The following MCIDAS variants were observed in gnomAD, a reference collection of about 807,000 sequenced individuals.
MCIDAS encodes multicilin.
A neutral mutation model predicts 35.4 loss-of-function variants in MCIDAS; 23 were observed. The observed-to-expected ratio is 0.65, with a 90% confidence interval of 0.47 to 0.92. MCIDAS has a LOEUF of 0.92. MCIDAS is among the 40% of genes least tolerant of loss of function. MCIDAS has a pLI of 0.00. For missense variants in MCIDAS, 480 were observed against 531.8 expected (o/e 0.90, Z 0.96); for synonymous variants, 228 against 235.2 (o/e 0.97, Z 0.28).
chr5:55,226,635 C>T lies in MCIDAS; in HGVS notation c.250G>A (p.Asp84Asn), dbSNP rs186972632. 6.5e-7 allele frequency: 1 copy of T among 1,532,612 alleles called. No individual in the cohort carries two copies. The highest frequency in any genetic ancestry group is 2.5e-5 in the East Asian group (1 of 40,532). 94.9% of individuals were successfully genotyped at this position (1,532,612 alleles called of 1,614,324 possible). The part of the protein sequence containing the change: ...LTTIDLQDLA[D>N]CSSLLGSDAP... The stretch of plus-strand genomic sequence containing the variant: ...TCGGACCCGAGTAGCGAAGAGCAGT[C>T]AGCGAGGTCCTGCAGGTCTATGGTG... Residue 84 changes from aspartate (D) to asparagine (N), a missense_variant, in exon 3 of 7, where the codon GAC (aspartate) becomes AAC (asparagine). Coordinates refer to ENST00000513312, the MANE Select transcript of MCIDAS (RefSeq NM_001190787.3).
chr5:55,220,361 A>G lies in MCIDAS; in HGVS notation c.*5T>C, dbSNP rs1580402107. The G allele has an allele frequency of 6.5e-7, 1 of 1,530,352 alleles. No individual in the cohort carries two copies. The highest frequency in any genetic ancestry group is 2.5e-5 in the East Asian group (1 of 40,812). The allele number at this position is 1,530,352 out of a possible 1,614,324, so 94.8% of individuals were successfully genotyped here. A position where few individuals can be genotyped will look rare whatever the true frequency, so the allele number is the denominator to read the frequency against. On this transcript the variant is annotated 3_prime_UTR_variant, in exon 7 of 7. Transcript: ENST00000513312. ...GGGCAGTGTTTTGGGGGACCACATC[A>G]CAGCTCAACTGGGGACCCAGCGGAA...
Position 55,223,108 on chromosome 5 carries a change from T to A in MCIDAS, c.310-85A>T. The A allele has an allele frequency of 2.7e-6, 3 of 1,112,616 alleles. No homozygotes were observed. Among genetic ancestry groups the A allele is most frequent in the Non-Finnish European group, 3.9e-6 (3 of 763,446 alleles). The allele number at this position is 1,112,616 out of a possible 1,614,324, so 68.9% of individuals were successfully genotyped here. Reference sequence around the variant, plus strand: ...AATATTGGCGTCCCTGTTAAAAATCTGGCAGGCACTATGCAATATATGCAC... The same window carrying A: ...AATATTGGCGTCCCTGTTAAAAATCAGGCAGGCACTATGCAATATATGCAC... On this transcript the variant is annotated intron_variant, in intron 3 of 6. Transcript: ENST00000513312. The surrounding 1 kb of genome is among the most constrained non-coding windows in gnomAD (Gnocchi z 4.4).
At position 55,223,992 on chromosome 5, in the gene MCIDAS, G is replaced by A. The variant is rs1745411546; in HGVS notation, c.310-969C>T. 6.6e-6 allele frequency among the ~76,000 whole-genome samples: 1 copy of A among 152,138 alleles called. No homozygotes were observed. The highest frequency in any genetic ancestry group is 1.5e-5 in the Non-Finnish European group (1 of 68,028). ...TTCCCTTAATTCATGGACATTTAGAGTTGATAAAAACGCTTTTACACAGTC... is the reference window on the plus strand; with the variant it reads ...TTCCCTTAATTCATGGACATTTAGAATTGATAAAAACGCTTTTACACAGTC... On this transcript the variant is annotated intron_variant, in intron 3 of 6. Transcript: ENST00000513312. This position sits in a 1 kb window ranked among gnomAD's most constrained non-coding sequence, Gnocchi z 4.4.
intron 5 of MCIDAS, 49 bp from the exon 6 acceptor site, chr5:55,221,175 C>T (rs1257153977): frequency 2.2e-6 from 3 of 1,354,334 alleles, no homozygotes; most frequent in South Asian, 1.3e-5. Flanking sequence ...TGCTGGGTCT[C>T]GTCTGCATAT....
chr5:55,222,365 G>A lies in MCIDAS; in HGVS notation c.417C>T (p.Ser139=). The A allele has an allele frequency of 1.3e-6, 2 of 1,527,958 alleles. No homozygotes were observed. The highest frequency in any genetic ancestry group is 1.8e-6 in the Non-Finnish European group (2 of 1,141,556). The allele number at this position is 1,527,958 out of a possible 1,614,324, so 94.7% of individuals were successfully genotyped here. Residue 139 remains serine (S), a synonymous_variant, in exon 5 of 7, where the codon AGC becomes AGT. Coordinates refer to ENST00000513312, the MANE Select transcript of MCIDAS (RefSeq NM_001190787.3). ...SSSMMSPTLA[S]GDFPFSPCDI... is the part of the protein sequence containing the mutation. ...CGCAAGGAGAGAAGGGGAAGTCTCCGCTGGCCAGGGTAGGCGACATCATAG... is the reference window on the plus strand; with the variant it reads ...CGCAAGGAGAGAAGGGGAAGTCTCCACTGGCCAGGGTAGGCGACATCATAG...
intron 4 of MCIDAS, 148 bp from the exon 5 acceptor site, chr5:55,222,547 C>T (rs574276718): frequency 3.0e-6 from 2 of 661,350 alleles, no homozygotes; most frequent in Non-Finnish European, 2.5e-6. Flanking sequence ...GATTACGAGG[C>T]CCTTCCTGAT....
chr5:55,222,123 T>A lies in MCIDAS; in HGVS notation c.606+53A>T, dbSNP rs899766116. ...TCCCTTGCAAACCCCACTTCCACCC[T>A]CTATATCCTGTCCCTGCCCCAGGAT... On this transcript the variant is annotated intron_variant, in intron 5 of 6. Coordinates refer to ENST00000513312, the MANE Select transcript of MCIDAS (RefSeq NM_001190787.3). The A allele has an allele frequency of 1.2e-4, 181 of 1,508,912 alleles. 1 individual carries two copies. The South Asian group carries it at 2.1e-3, about 17-fold the overall frequency. 93.5% of individuals were successfully genotyped at this position (1,508,912 alleles called of 1,614,324 possible). A position where few individuals can be genotyped will look rare whatever the true frequency, so the allele number is the denominator to read the frequency against.
Position 55,226,866 on chromosome 5 carries a change from A to T in MCIDAS, c.186T>A (p.Asp62Glu), listed in dbSNP as rs568641089. 17 of 1,387,462 alleles carry T rather than the reference A, an allele frequency of 1.2e-5. No individual in the cohort carries two copies. In the African/African-American group the frequency reaches 2.1e-4, roughly 17 times the overall value. 85.9% of individuals were successfully genotyped at this position (1,387,462 alleles called of 1,614,324 possible). The change falls in exon 2 of 7, where the codon GAT becomes GAA. Residue 62 changes from aspartate to glutamate, a missense_variant. Asp to Glu is a conservative substitution (Grantham distance 45). Transcript: ENST00000513312. ...TGGSPVSVYE[D>E]PPDAEPTALP... ...GCGCTGTGGGCTCGGCGTCCGGGGG[A>T]TCCTCGTACACCGACACCGGGCTCC...
Position 55,220,131 on chromosome 5 carries a change from T to A in MCIDAS, c.*235A>T, listed in dbSNP as rs759615427. The A allele has an allele frequency of 4.4e-6, 2 of 453,226 alleles. No homozygotes were observed. The highest frequency in any genetic ancestry group is 7.7e-6 in the Non-Finnish European group (2 of 259,322). 28.1% of individuals were successfully genotyped at this position (453,226 alleles called of 1,614,324 possible). ...TCAAAGCTGCTAAAAATAAATACTT[T>A]TAAAATTGGCTGTGACATATGTGAC... On this transcript the variant is annotated 3_prime_UTR_variant, in exon 7 of 7. Transcript: ENST00000513312.
In MCIDAS at chr5:55,226,620, G is replaced by A. The variant is rs940142079; in HGVS notation, c.265C>T (p.Leu89Phe). 23 of 1,533,152 alleles carry A rather than the reference G, an allele frequency of 1.5e-5. No individual in the cohort carries two copies. The highest frequency in any genetic ancestry group is 2.0e-5 in the Non-Finnish European group (23 of 1,145,672). The allele number at this position is 1,533,152 out of a possible 1,614,324, so 95.0% of individuals were successfully genotyped here. The change falls in exon 3 of 7, where the codon CTC becomes TTC. Residue 89 changes from leucine to phenylalanine, a missense_variant. Transcript: ENST00000513312. ...CCACCAGGCGGCGCGTCGGACCCGAGTAGCGAAGAGCAGTCAGCGAGGTCC... is the reference window on the plus strand; with the variant it reads ...CCACCAGGCGGCGCGTCGGACCCGAATAGCGAAGAGCAGTCAGCGAGGTCC... ...LQDLADCSSL[L>F]GSDAPPGGDL... is the part of the protein sequence containing the mutation.
chr5:55,222,902 AGT>A, intron 4 of MCIDAS, 47 bp downstream of exon 4: 1 of 1,487,958 alleles, frequency 6.7e-7, no homozygotes, highest in Non-Finnish European at 9.1e-7. Flanking sequence ...CTGATTTGGG[AGT>A]GGGGGACACC....
rs946482363 is a variant in MCIDAS at position 55,223,454 on chromosome 5, G to T, written c.310-431C>A. Among the ~76,000 whole-genome samples, 2 of 152,184 alleles carry T rather than the reference G, an allele frequency of 1.3e-5. No homozygotes were observed. The highest frequency in any genetic ancestry group is 2.9e-5 in the Non-Finnish European group (2 of 68,026). ...TCCACCGGCGGTGCGGCGGCCCTGC[G>T]CCGGCTCCGGGCAGCCGAGTAGCCC... On this transcript the variant is annotated intron_variant, in intron 3 of 6. Transcript: ENST00000513312. The surrounding 1 kb of genome is among the most constrained non-coding windows in gnomAD (Gnocchi z 4.4).
rs115971569 is a variant in MCIDAS at position 55,226,608 on chromosome 5, C to G, written c.277G>C (p.Ala93Pro). 47 of 1,532,396 alleles carry G rather than the reference C, an allele frequency of 3.1e-5. No individual in the cohort carries two copies. The highest frequency in any genetic ancestry group is 4.0e-5 in the Non-Finnish European group (46 of 1,145,284). The allele number at this position is 1,532,396 out of a possible 1,614,324, so 94.9% of individuals were successfully genotyped here. A position where few individuals can be genotyped will look rare whatever the true frequency, so the allele number is the denominator to read the frequency against. ...GCGGCCAGGTCACCACCAGGCGGCG[C>G]GTCGGACCCGAGTAGCGAAGAGCAG... is the stretch of plus-strand genomic sequence containing the variant. ...ADCSSLLGSD[A>P]PPGGDLAASQ... The change falls in exon 3 of 7, where the codon GCG becomes CCG. Residue 93 changes from alanine (A) to proline (P), a missense_variant. By Grantham distance (27) the Ala-to-Pro change is conservative. Coordinates refer to ENST00000513312, the MANE Select transcript of MCIDAS (RefSeq NM_001190787.3).
rs1745392750 is a variant in MCIDAS at position 55,223,122 on chromosome 5, C to T, written c.310-99G>A. ...TGTTAAAAATCTGGCAGGCACTATGCAATATATGCACGTAACACAACTGCA... is the reference window on the plus strand; with the variant it reads ...TGTTAAAAATCTGGCAGGCACTATGTAATATATGCACGTAACACAACTGCA... On this transcript the variant is annotated intron_variant, in intron 3 of 6. Transcript: ENST00000513312. The surrounding 1 kb of genome is among the most constrained non-coding windows in gnomAD (Gnocchi z 4.4). 2.2e-6 allele frequency: 2 copies of T among 925,708 alleles called. No homozygotes were observed. Among genetic ancestry groups the T allele is most frequent in the South Asian group, 1.5e-5 (1 of 68,432 alleles). The allele number at this position is 925,708 out of a possible 1,614,324, so 57.3% of individuals were successfully genotyped here. A position where few individuals can be genotyped will look rare whatever the true frequency, so the allele number is the denominator to read the frequency against.
rs1580402017 is a variant in MCIDAS, at chr5:55,220,249, C to G, written c.*117G>C. On this transcript the variant is annotated 3_prime_UTR_variant, in exon 7 of 7. Coordinates refer to ENST00000513312, the MANE Select transcript of MCIDAS (RefSeq NM_001190787.3). ...TTTACAATGCATCGGTATCAAGATG[C>G]TTTTGTTCCTGAAAAAGTGTTTCAG... 10 of 979,492 alleles carry G rather than the reference C, an allele frequency of 1.0e-5. No homozygotes were observed. In the East Asian group the frequency reaches 2.6e-4, roughly 26 times the overall value. The allele number at this position is 979,492 out of a possible 1,614,324, so 60.7% of individuals were successfully genotyped here. A position where few individuals can be genotyped will look rare whatever the true frequency, so the allele number is the denominator to read the frequency against.
chr5:55,222,415 AGC>A lies in MCIDAS; in HGVS notation c.383-18_383-17del. The A allele has an allele frequency of 6.8e-7, 1 of 1,460,664 alleles. No homozygotes were observed. Among genetic ancestry groups the A allele is most frequent in the Non-Finnish European group, 9.0e-7 (1 of 1,107,672 alleles). 90.5% of individuals were successfully genotyped at this position (1,460,664 alleles called of 1,614,324 possible). On this transcript the variant is annotated splice_polypyrimidine_tract_variant and intron_variant, in intron 4 of 6. Coordinates refer to ENST00000513312, the MANE Select transcript of MCIDAS (RefSeq NM_001190787.3). ...GAGGATGAGTCTGGAGAAGAGCAGGAGCTGGATTTGCAGCCTCAAATTCATGC... is the reference window on the plus strand; with the variant it reads ...GAGGATGAGTCTGGAGAAGAGCAGGATGGATTTGCAGCCTCAAATTCATGC...
chr5:55,227,176 G>A lies in MCIDAS; in HGVS notation c.-38C>T, dbSNP rs1561117676. The A allele has an allele frequency of 7.1e-7, 1 of 1,402,550 alleles. No homozygotes were observed. The highest frequency in any genetic ancestry group is 9.2e-7 in the Non-Finnish European group (1 of 1,087,344). 86.9% of individuals were successfully genotyped at this position (1,402,550 alleles called of 1,614,324 possible). On this transcript the variant is annotated 5_prime_UTR_variant, in exon 1 of 7. Transcript: ENST00000513312. The stretch of plus-strand genomic sequence containing the variant: ...CTCCGGGTGCCGACTGCTCGGAGGC[G>A]GCGGCCCGGGCTGGGGCAGCGATCC...
Position 55,220,101 on chromosome 5 carries a change from A to T in MCIDAS, c.*265T>A. 2.6e-6 allele frequency: 1 copy of T among 388,118 alleles called. No individual in the cohort carries two copies. Among genetic ancestry groups the T allele is most frequent in the East Asian group, 4.2e-5 (1 of 23,752 alleles). The allele number at this position is 388,118 out of a possible 1,614,324, so 24.0% of individuals were successfully genotyped here. ...AAATCCTTCCCTGCTCTAAAAATAC[A>T]TAATTCAAAGCTGCTAAAAATAAAT... On this transcript the variant is annotated 3_prime_UTR_variant, in exon 7 of 7. Coordinates refer to ENST00000513312, the MANE Select transcript of MCIDAS (RefSeq NM_001190787.3).
At position 55,221,003 on chromosome 5, in the gene MCIDAS, G is replaced by A. The variant is rs557504350; in HGVS notation, c.717+13C>T. ...GACGTGCTGCAGTTCCCACACGCCCGCGCCCCACTTACATCCAGCACCGAG... is the reference window on the plus strand; with the variant it reads ...GACGTGCTGCAGTTCCCACACGCCCACGCCCCACTTACATCCAGCACCGAG... On this transcript the variant is annotated intron_variant, in intron 6 of 6. Transcript: ENST00000513312. The A allele has an allele frequency of 2.1e-5, 32 of 1,531,750 alleles. No individual in the cohort carries two copies. The Admixed American group carries it at 2.9e-4, about 14-fold the overall frequency. The allele number at this position is 1,531,750 out of a possible 1,614,324, so 94.9% of individuals were successfully genotyped here.
Sources: gnomAD v4.1 joint callset for allele counts (sites outside exome capture counted in the v4.1 genomes callset) on GRCh38, gnomAD v4.1.1 for gene constraint, Gnocchi (gnomAD v3.1) non-coding constraint, MANE v1.5 for transcripts, NCBI Gene and HGNC (gene_info 2026-07-23, HGNC 2026-07-21) for gene names.